The following PLXDC2 variants were observed in gnomAD, a reference collection of about 807,000 sequenced individuals.
The protein encoded by PLXDC2 is plexin domain containing 2, also known as plexin domain-containing protein 2.
Under a neutral mutation model 68.9 loss-of-function variants are expected in PLXDC2, and 40 were observed. The observed-to-expected ratio is 0.58, with a 90% CI of 0.45 to 0.76. PLXDC2 has a LOEUF of 0.76. Ranked by LOEUF, PLXDC2 falls within the 30% of genes least tolerant of loss-of-function variation. The pLI, the probability that PLXDC2 is intolerant of heterozygous loss-of-function variation, is 0.00. For synonymous variants in PLXDC2, 243 were observed against 234.2 expected (o/e 1.04, Z -0.34); for missense variants, 644 against 661.9 (o/e 0.97, Z 0.30).
intron 4 of PLXDC2, among the ~76,000 whole-genome samples, chr10:20,117,506 G>A (rs1833637557): frequency 6.6e-6 from 1 of 152,140 alleles, no homozygotes; most frequent in African/African-American, 2.4e-5. Flanking sequence ...GACAGTTGAT[G>A]GACTCTTGAT....
intron 6 of PLXDC2, among the ~76,000 whole-genome samples, chr10:20,154,263 A>G (rs1302221969): frequency 1.3e-5 from 2 of 152,146 alleles, no homozygotes; most frequent in African/African-American, 4.8e-5. Flanking sequence ...ACAATTCTCA[A>G]AAAAACATTT....
intron 12 of PLXDC2, 35 bp downstream of exon 12, chr10:20,219,137 T>G: frequency 6.3e-7 from 1 of 1,575,106 alleles, no homozygotes; most frequent in Non-Finnish European, 8.7e-7. Context: ...TAAACATCTT[T>G]TAAATATGAA....
chr10:20,065,903 G>T (rs1238178866), intron 3 of PLXDC2, among the ~76,000 whole-genome samples: 1 of 152,252 alleles, frequency 6.6e-6, no homozygotes, highest in African/African-American at 2.4e-5. Context: ...GTGTAGCCCA[G>T]TTCCTAACAG....
At chr10:19,847,478 C>G (rs1398383582) in intron 1 of PLXDC2, among the ~76,000 whole-genome samples, 1 of 152,092 alleles carries the variant, frequency 6.6e-6, no homozygotes, top group African/African-American at 2.4e-5. Flanking sequence ...AGCGGTTGCC[C>G]AAGTGTGGAG....
chr10:19,885,765 T>C (rs1453381551), intron 1 of PLXDC2, among the ~76,000 whole-genome samples: 2 of 152,212 alleles, frequency 1.3e-5, no homozygotes. Flanking sequence ...AGCCTTGTAG[T>C]ACAGTTTGAA....
At chr10:19,864,113 A>T (rs954786087) in intron 1 of PLXDC2, among the ~76,000 whole-genome samples, 3 of 152,048 alleles carry the variant, frequency 2.0e-5, no homozygotes, top group African/African-American at 7.2e-5. Context: ...TGTTTCTCCC[A>T]CCTCTGCCTC....
At chr10:20,089,868 T>C (rs977330773) in intron 4 of PLXDC2, among the ~76,000 whole-genome samples, 1 of 152,222 alleles carries the variant, frequency 6.6e-6, no homozygotes, top group African/African-American at 2.4e-5. Context: ...CATTTTGTGA[T>C]GGTCCCATCT....
At chr10:19,937,544 G>GTATATATA (rs71388881) in intron 1 of PLXDC2, among the ~76,000 whole-genome samples, 2,284 of 95,596 alleles carry the variant, frequency 0.024, 82 homozygotes, top group African/African-American at 0.028. Flanking sequence ...TATAGTCAAT[G>GTATATATA]TATATATATA....
chr10:20,112,373 A>G (rs986831096), intron 4 of PLXDC2, among the ~76,000 whole-genome samples: 1 of 151,118 alleles, frequency 6.6e-6, no homozygotes, highest in African/African-American at 2.4e-5. Flanking sequence ...TCCAATTAGT[A>G]TTCACTCTGA....
At chr10:20,241,233 G>A (rs927930277) in intron 12 of PLXDC2, among the ~76,000 whole-genome samples, 8 of 152,132 alleles carry the variant, frequency 5.3e-5, no homozygotes, top group Admixed American at 5.2e-4. Context: ...AGGTAGCGAG[G>A]TTTACCACAC....
intron 1 of PLXDC2, among the ~76,000 whole-genome samples, chr10:19,928,612 C>A (rs1224984157): frequency 6.6e-6 from 1 of 152,116 alleles, no homozygotes; most frequent in Admixed American, 6.5e-5. Flanking sequence ...ATCCAGGCCA[C>A]CCCTTGGCGG....
chr10:20,120,898 G>A (rs1833688265), intron 4 of PLXDC2, among the ~76,000 whole-genome samples: 1 of 152,164 alleles, frequency 6.6e-6, no homozygotes, highest in African/African-American at 2.4e-5. Flanking sequence ...GTGGCAATTA[G>A]GCCTGATGGA....
chr10:20,273,969 G>T (rs568770242), intron 13 of PLXDC2, among the ~76,000 whole-genome samples: 92 of 151,608 alleles, frequency 6.1e-4, no homozygotes, highest in Admixed American at 1.7e-3. Context: ...AGCCCAGGAG[G>T]TTGAGGCTGC....
intron 3 of PLXDC2, among the ~76,000 whole-genome samples, chr10:20,063,223 T>G (rs1307683921): frequency 6.6e-6 from 1 of 152,194 alleles, no homozygotes; most frequent in Non-Finnish European, 1.5e-5. Flanking sequence ...TATGGTAAAC[T>G]CATGAGATCA....
chr10:20,144,360 T>C (rs535730766), intron 5 of PLXDC2, among the ~76,000 whole-genome samples: 121 of 152,264 alleles, frequency 7.9e-4, no homozygotes, highest in African/African-American at 2.8e-3. Context: ...TGGAGAAATA[T>C]GATCACTTTG....
intron 4 of PLXDC2, among the ~76,000 whole-genome samples, chr10:20,118,961 G>A (rs1421744156): frequency 6.8e-6 from 1 of 146,014 alleles, no homozygotes; most frequent in Non-Finnish European, 1.5e-5. Flanking sequence ...TTCTGACACT[G>A]TATACCTTTT....
chr10:20,020,396 A>T (rs1279913063), intron 2 of PLXDC2, among the ~76,000 whole-genome samples: 1 of 151,860 alleles, frequency 6.6e-6, no homozygotes, highest in Non-Finnish European at 1.5e-5. Flanking sequence ...CTCATGGTCC[A>T]TTTCCCAGTG....
At chr10:20,173,918 G>A (rs534814468) in intron 7 of PLXDC2, among the ~76,000 whole-genome samples, 57 of 152,208 alleles carry the variant, frequency 3.7e-4, no homozygotes, top group African/African-American at 1.3e-3. Flanking sequence ...TCATTAATTT[G>A]GGTTTTGTTA....
At chr10:20,003,283 T>G (rs1339541535) in intron 2 of PLXDC2, among the ~76,000 whole-genome samples, 1 of 152,182 alleles carries the variant, frequency 6.6e-6, no homozygotes, top group Non-Finnish European at 1.5e-5. Flanking sequence ...AGGCACGGCT[T>G]CGGCTGCCAT....
Sources: gnomAD v4.1 joint callset for allele counts (sites outside exome capture counted in the v4.1 genomes callset) on GRCh38, gnomAD v4.1.1 for gene constraint, MANE v1.5 for transcripts, NCBI Gene and HGNC (gene_info 2026-07-23, HGNC 2026-07-21) for gene names.